MRPS9: variants seen among roughly 807,000 people sequenced by gnomAD.
MRPS9 encodes the protein mitochondrial ribosomal protein S9.
MRPS9 carries 45 observed loss-of-function variants against 59.9 expected under a neutral mutation model. That is an observed-to-expected ratio of 0.75 (90% confidence interval 0.59 to 0.96). The LOEUF is 0.96. Ranked by LOEUF, MRPS9 falls within the 40% of genes least tolerant of loss-of-function variation. The pLI is 0.00. For missense variants in MRPS9, 473 were observed against 481.1 expected (o/e 0.98, Z 0.16); for synonymous variants, 171 against 166.8 (o/e 1.03, Z -0.19).
chr2:105,053,640 A>T (rs7574335), intron 2 of MRPS9, among the ~76,000 whole-genome samples: 44,928 of 152,060 alleles, frequency 0.3, 6,762 homozygotes, highest in Middle Eastern at 0.44. Flanking sequence ...GAATACATTC[A>T]CATTCAATCA....
At chr2:105,058,742 C>G (rs1030541181) in intron 2 of MRPS9, among the ~76,000 whole-genome samples, 2 of 150,856 alleles carry the variant, frequency 1.3e-5, no homozygotes, top group African/African-American at 4.9e-5. Flanking sequence ...TGCAGTGGCA[C>G]GATCTTGGCT....
At chr2:105,049,498 A>G in intron 2 of MRPS9, 148 bp downstream of exon 2, 3 of 688,812 alleles carry the variant, frequency 4.4e-6, no homozygotes, top group Non-Finnish European at 7.1e-6. Flanking sequence ...AGTTGGAGCC[A>G]TGGTTTCAAA....
chr2:105,094,615 T>C (rs1452406570), intron 9 of MRPS9, among the ~76,000 whole-genome samples: 1 of 152,188 alleles, frequency 6.6e-6, no homozygotes, highest in Admixed American at 6.5e-5. Context: ...GAAATGTGTG[T>C]TTATTTTATT....
chr2:105,038,083 C>T lies in MRPS9; in HGVS notation c.-10C>T, dbSNP rs1052058560. The T allele has an allele frequency of 3.1e-6, 5 of 1,613,322 alleles. No homozygotes were observed. The highest frequency in any genetic ancestry group is 2.7e-5 in the African/African-American group (2 of 74,912). On this transcript the variant is annotated 5_prime_UTR_variant, in exon 1 of 11. Transcript: ENST00000258455. Reference sequence around the variant, plus strand: ...CTCACCCCTCCGGTCCTGGAGCTCCCACAGCTAACATGGCGGCGCCCTGTG... The same window carrying T: ...CTCACCCCTCCGGTCCTGGAGCTCCTACAGCTAACATGGCGGCGCCCTGTG...
chr2:105,093,364 G>T (rs1680597917), intron 8 of MRPS9, among the ~76,000 whole-genome samples, 166 bp from the exon 9 acceptor site: 1 of 152,148 alleles, frequency 6.6e-6, no homozygotes, highest in Non-Finnish European at 1.5e-5. Flanking sequence ...CTGTTGTGCT[G>T]TAGTTTACCT....
intron 1 of MRPS9, among the ~76,000 whole-genome samples, chr2:105,038,974 A>G (rs1472414119): frequency 6.6e-6 from 1 of 152,196 alleles, no homozygotes; most frequent in Admixed American, 6.5e-5. Context: ...TACCTTGTAA[A>G]TGGTAACTGA....
At position 105,045,749 on chromosome 2, in the gene MRPS9, T is replaced by C. The variant is rs1047257962; in HGVS notation, c.136-3422T>C. ...ACAAAAGAAACCAACCATAGGGAAA[T>C]AAAATTGACAAAAGATTACAGACAT... is the stretch of plus-strand genomic sequence containing the variant. On this transcript the variant is annotated intron_variant, in intron 1 of 10. Transcript: ENST00000258455. Among the ~76,000 whole-genome samples, 5 of 150,150 alleles carry C rather than the reference T, an allele frequency of 3.3e-5. No homozygotes were observed. The South Asian group carries it at 1.0e-3, about 31-fold the overall frequency.
Position 105,075,665 on chromosome 2 carries a change from T to C in MRPS9, c.409+4176T>C, listed in dbSNP as rs62151952. On this transcript the variant is annotated intron_variant, in intron 4 of 10. Transcript: ENST00000258455. ...CTAAATAAAACACTAGCAAACCAAG[T>C]AAAGCTTTATATTAAGAGAGTATAC... Among the ~76,000 whole-genome samples the C allele has an allele frequency of 3.9e-3, 597 of 152,264 alleles. 1 individual carries two copies. The highest frequency in any genetic ancestry group is 6.3e-3 in the Non-Finnish European group (430 of 68,010).
At chr2:105,087,835 T>TTC (rs1553443593) in intron 5 of MRPS9, among the ~76,000 whole-genome samples, 1 of 74,686 alleles carries the variant, frequency 1.3e-5, no homozygotes, top group Admixed American at 1.3e-4. Flanking sequence ...TTCCTTCCTT[T>TTC]GATTCCTCAA....
chr2:105,053,889 T>C (rs1490306997), intron 2 of MRPS9, among the ~76,000 whole-genome samples: 1 of 152,238 alleles, frequency 6.6e-6, no homozygotes, highest in Non-Finnish European at 1.5e-5. Flanking sequence ...AATCAAATCA[T>C]GAATTAATAG....
intron 5 of MRPS9, among the ~76,000 whole-genome samples, chr2:105,080,458 T>C (rs984688881): frequency 1.3e-5 from 2 of 152,074 alleles, no homozygotes; most frequent in Non-Finnish European, 2.9e-5. Context: ...TTTGTTGTTT[T>C]ATATATATAT....
intron 1 of MRPS9, among the ~76,000 whole-genome samples, chr2:105,038,880 T>A (rs139333047): frequency 2.3e-4 from 35 of 152,286 alleles, no homozygotes; most frequent in African/African-American, 7.7e-4. Flanking sequence ...TGGGATTATG[T>A]TTTTAGGCAT....
At chr2:105,084,582 G>A (rs893813392) in intron 5 of MRPS9, among the ~76,000 whole-genome samples, 15 of 152,100 alleles carry the variant, frequency 9.9e-5, no homozygotes, top group Non-Finnish European at 1.6e-4. Context: ...ACCTTGCAGA[G>A]AATATTTAAA....
At position 105,080,034 on chromosome 2, in the gene MRPS9, GCAAA is replaced by G. The variant is rs1558759836; in HGVS notation, c.464_467del (p.Lys155SerfsTer6). On this transcript the variant is annotated frameshift_variant, in exon 5 of 11. Coordinates refer to ENST00000258455, the MANE Select transcript of MRPS9 (RefSeq NM_182640.3). LOFTEE classifies it high-confidence loss of function. ...CCATTTCACTATCTCTTCTATACTG[GCAAA>G]CAGTCATACTATTCATTAATGCATG... The G allele has an allele frequency of 1.2e-6, 2 of 1,609,384 alleles. No homozygotes were observed. The highest frequency in any genetic ancestry group is 3.4e-5 in the Admixed American group (2 of 59,568).
chr2:105,073,852 A>G (rs1043655869), intron 4 of MRPS9, among the ~76,000 whole-genome samples: 1 of 152,210 alleles, frequency 6.6e-6, no homozygotes, highest in African/African-American at 2.4e-5. Flanking sequence ...TAGCATCGAA[A>G]TGTTCAAAAC....
chr2:105,086,176 C>T (rs1365179506), intron 5 of MRPS9, among the ~76,000 whole-genome samples: 10 of 152,252 alleles, frequency 6.6e-5, no homozygotes, highest in South Asian at 2.1e-4. Flanking sequence ...GTGCTAAGTA[C>T]GTACTTTACA....
At chr2:105,075,219 G>A (rs989063174) in intron 4 of MRPS9, among the ~76,000 whole-genome samples, 4 of 152,198 alleles carry the variant, frequency 2.6e-5, no homozygotes, top group Admixed American at 2.0e-4. Context: ...AATGGGGAAT[G>A]TCTATAAATA....
chr2:105,088,955 G>A (rs1357369570), intron 5 of MRPS9, 29 bp from the exon 6 acceptor site: 3 of 1,462,740 alleles, frequency 2.1e-6, no homozygotes, highest in South Asian at 2.5e-5. Flanking sequence ...CTTATTTTTA[G>A]CATGTACTGT....
chr2:105,095,078 G>T (rs891848064), intron 9 of MRPS9, among the ~76,000 whole-genome samples: 1 of 152,154 alleles, frequency 6.6e-6, no homozygotes, highest in Admixed American at 6.5e-5. Flanking sequence ...GTGGGAATGG[G>T]CACCTACAAC....
Sources: gnomAD v4.1 joint callset for allele counts (sites outside exome capture counted in the v4.1 genomes callset) on GRCh38, gnomAD v4.1.1 for gene constraint, MANE v1.5 for transcripts, NCBI Gene and HGNC (gene_info 2026-07-23, HGNC 2026-07-21) for gene names.